PKP4: variants seen among roughly 807,000 people sequenced by gnomAD.
PKP4 encodes the protein plakophilin 4.
Under a neutral mutation model 145.1 loss-of-function variants are expected in PKP4, and 90 were observed. That is an observed-to-expected ratio of 0.62 (90% CI 0.52 to 0.74). The LOEUF is 0.74. PKP4 is among the 30% of genes least tolerant of loss of function. The probability of loss-of-function intolerance (pLI) is 0.00; values close to 1 mark genes in which losing one functional copy is unlikely to be tolerated. For synonymous variants in PKP4, 563 were observed against 577.2 expected (o/e 0.98, Z 0.35); for missense variants, 1,340 against 1,482.7 (o/e 0.90, Z 1.58).
At position 158,663,075 on chromosome 2, in the gene PKP4, C is replaced by T. The variant is rs370420292; in HGVS notation, c.2390C>T (p.Pro797Leu). The change falls in exon 14 of 22, where the codon CCG becomes CTG. Residue 797 changes from proline to leucine, a missense_variant. By Grantham distance (98) the Pro-to-Leu change is moderately conservative (BLOSUM62 -3). Coordinates refer to ENST00000389759, the MANE Select transcript of PKP4 (RefSeq NM_003628.6). ...AAGAAGAAAAAGAAAAAGAGGACTC[C>T]GCAAGAAGATCAAGTTAGCATTTTA... ...GKKKKKKKRT[P>L]QEDQWDGVGP... is the part of the protein sequence containing the mutation. 47 of 1,604,988 alleles carry T rather than the reference C, an allele frequency of 2.9e-5. 1 individual carries two copies. Among genetic ancestry groups the T allele is most frequent in the South Asian group, 2.8e-4 (25 of 89,972 alleles).
chr2:158,472,842 G>T (rs1691815026), intron 1 of PKP4, among the ~76,000 whole-genome samples: 1 of 152,204 alleles, frequency 6.6e-6, no homozygotes, highest in South Asian at 2.1e-4. Flanking sequence ...AGCATGAAAT[G>T]TTAAAATATA....
At chr2:158,460,946 C>G (rs1461322473) in intron 1 of PKP4, among the ~76,000 whole-genome samples, 1 of 152,188 alleles carries the variant, frequency 6.6e-6, no homozygotes, top group Non-Finnish European at 1.5e-5. Context: ...ACACTACAGA[C>G]AGCTGCAAAT....
chr2:158,625,366 C>T lies in PKP4; in HGVS notation c.1092C>T (p.Phe364=), dbSNP rs373991506. The change falls in exon 7 of 22, where the codon TTC becomes TTT. Residue 364 remains phenylalanine (F), a synonymous_variant. Coordinates refer to ENST00000389759, the MANE Select transcript of PKP4 (RefSeq NM_003628.6). ...LQRTVHDMEQ[F]GQQQYDIYER... ...GGACTGTTCATGACATGGAGCAATT[C>T]GGACAGCAGCAGTATGACATTTATG... 1.5e-5 allele frequency: 25 copies of T among 1,614,014 alleles called. No individual in the cohort carries two copies. Among genetic ancestry groups the T allele is most frequent in the African/African-American group, 1.2e-4 (9 of 74,900 alleles).
chr2:158,680,287 A>G (rs546523944), intron 21 of PKP4, 142 bp from the exon 22 acceptor site: 7 of 660,238 alleles, frequency 1.1e-5, no homozygotes, highest in African/African-American at 7.3e-5. Flanking sequence ...CATAGTGTGC[A>G]CCAGAAACAG....
chr2:158,522,001 A>G (rs1016244067), intron 1 of PKP4, among the ~76,000 whole-genome samples: 1 of 152,200 alleles, frequency 6.6e-6, no homozygotes, highest in Non-Finnish European at 1.5e-5. Flanking sequence ...TTATTTTGTC[A>G]TATCAGTTTT....
At chr2:158,465,604 T>C (rs1690491742) in intron 1 of PKP4, among the ~76,000 whole-genome samples, 2 of 152,224 alleles carry the variant, frequency 1.3e-5, no homozygotes, top group Admixed American at 1.3e-4. Flanking sequence ...TGTGTGCCTT[T>C]ATAAGCCCAA....
chr2:158,579,700 G>A (rs749086899), intron 3 of PKP4, among the ~76,000 whole-genome samples: 1 of 152,090 alleles, frequency 6.6e-6, no homozygotes, highest in African/African-American at 2.4e-5. Context: ...ACACTCTAAA[G>A]CAGTTAAAAT....
At chr2:158,570,869 A>G (rs2047359681) in intron 2 of PKP4, among the ~76,000 whole-genome samples, 1 of 152,230 alleles carries the variant, frequency 6.6e-6, no homozygotes, top group Non-Finnish European at 1.5e-5. Flanking sequence ...AGAAAGAAAC[A>G]GAGACTGAGG....
chr2:158,680,086 C>T (rs544925244), intron 21 of PKP4, among the ~76,000 whole-genome samples: 156 of 152,306 alleles, frequency 1.0e-3, no homozygotes, highest in African/African-American at 3.6e-3. Flanking sequence ...ATTCGGCATG[C>T]CCAGGTAACA....
chr2:158,493,973 CA>C (rs1037897817), intron 1 of PKP4, among the ~76,000 whole-genome samples: 2 of 152,004 alleles, frequency 1.3e-5, no homozygotes, highest in Non-Finnish European at 2.9e-5. Flanking sequence ...GAATGGAGTC[CA>C]GGGGTGCAAA....
At chr2:158,569,220 A>C (rs1017920545) in intron 2 of PKP4, among the ~76,000 whole-genome samples, 1 of 152,218 alleles carries the variant, frequency 6.6e-6, no homozygotes, top group Non-Finnish European at 1.5e-5. Context: ...TCTCTGCTTC[A>C]TTAAAACTGG....
intron 1 of PKP4, among the ~76,000 whole-genome samples, chr2:158,519,798 C>A (rs912989953): frequency 4.6e-5 from 7 of 152,066 alleles, no homozygotes; most frequent in Non-Finnish European, 8.8e-5. Flanking sequence ...GAAATTTATG[C>A]TCATCTTGCC....
intron 3 of PKP4, among the ~76,000 whole-genome samples, chr2:158,591,868 T>A (rs1471747255): frequency 6.6e-6 from 1 of 152,074 alleles, no homozygotes; most frequent in Non-Finnish European, 1.5e-5. Flanking sequence ...GAAAGAAAGA[T>A]TAAGTTAGTC....
chr2:158,594,850 C>T (rs1288091481), intron 3 of PKP4, among the ~76,000 whole-genome samples: 23 of 152,224 alleles, frequency 1.5e-4, no homozygotes, highest in East Asian at 3.9e-4. Context: ...GTCCTGAGAG[C>T]CCCTCCGAGG....
At chr2:158,578,314 T>G (rs1275016769) in intron 3 of PKP4, 1 of 167,528 alleles carries the variant, frequency 6.0e-6, no homozygotes. Flanking sequence ...TTGTGTATAT[T>G]GATATGTTTG....
intron 6 of PKP4, 106 bp downstream of exon 6, chr2:158,621,527 C>T: frequency 1.1e-6 from 1 of 873,330 alleles, no homozygotes; most frequent in Non-Finnish European, 1.8e-6. Context: ...GGGTGGATCA[C>T]CTGAGGTCAG....
intron 3 of PKP4, among the ~76,000 whole-genome samples, chr2:158,586,094 T>C (rs2048781286): frequency 6.6e-6 from 1 of 152,198 alleles, no homozygotes; most frequent in Non-Finnish European, 1.5e-5. Flanking sequence ...TTGTGGCATG[T>C]ATTGGTACTT....
intron 1 of PKP4, among the ~76,000 whole-genome samples, chr2:158,459,289 C>A (rs1411045555): frequency 6.6e-6 from 1 of 152,188 alleles, no homozygotes; most frequent in Admixed American, 6.5e-5. Flanking sequence ...TTATTTGACA[C>A]AATTTGCTTT....
chr2:158,584,668 A>G (rs2048644967), intron 3 of PKP4, among the ~76,000 whole-genome samples: 1 of 152,146 alleles, frequency 6.6e-6, no homozygotes, highest in Non-Finnish European at 1.5e-5. Context: ...CAAAAAATTT[A>G]AACAATAAAA....
Sources: gnomAD v4.1 joint callset for allele counts (sites outside exome capture counted in the v4.1 genomes callset) on GRCh38, gnomAD v4.1.1 for gene constraint, MANE v1.5 for transcripts, NCBI Gene and HGNC (gene_info 2026-07-23, HGNC 2026-07-21) for gene names.